UBE3C: variants seen among roughly 807,000 people sequenced by gnomAD.
UBE3C encodes the protein ubiquitin protein ligase E3C, also known as ubiquitin-protein ligase E3C.
In UBE3C, 42 loss-of-function variants were observed where a neutral mutation model predicts 129.4. The ratio of observed to expected loss-of-function variants is 0.32; its 90% CI spans 0.25 to 0.42. The LOEUF (loss-of-function observed/expected upper bound fraction) is 0.42. Ranked by LOEUF, UBE3C falls within the 10% of genes least tolerant of loss-of-function variation. UBE3C has a pLI of 1.00. For missense variants in UBE3C, 1,049 were observed against 1,319.1 expected (o/e 0.80, Z 3.17); for synonymous variants, 510 against 492.4 (o/e 1.04, Z -0.47).
chr7:157,231,104 G>GT lies in UBE3C; in HGVS notation c.2259dup (p.Val754CysfsTer11). The GT allele has an allele frequency of 6.2e-7, 1 of 1,613,968 alleles. No homozygotes were observed. Among genetic ancestry groups the GT allele is most frequent in the African/African-American group, 1.3e-5 (1 of 74,962 alleles). On this transcript the variant is annotated frameshift_variant, in exon 18 of 23. Transcript: ENST00000348165. LOFTEE classifies it high-confidence loss of function. ...GAGCCTGATTTGAAAAAGCGGATCC[G>GT]TGTGCACTTGCTCAATGCCCATGGC...
rs574777617 is a variant in UBE3C at position 157,261,710 on chromosome 7, G to A, written c.3081+4666G>A. The stretch of plus-strand genomic sequence containing the variant: ...AATTTTAAAGTTATGAAACTCCTTA[G>A]TGCCAGATTATTGGAGAAGAATAAC... On this transcript the variant is annotated intron_variant, in intron 22 of 22. Coordinates refer to ENST00000348165, the MANE Select transcript of UBE3C (RefSeq NM_014671.3). Among the ~76,000 whole-genome samples, 211 of 152,294 alleles carry A rather than the reference G, an allele frequency of 1.4e-3. 1 individual carries two copies. Among genetic ancestry groups the A allele is most frequent in the Non-Finnish European group, 2.1e-3 (141 of 68,036 alleles).
intron 2 of UBE3C, among the ~76,000 whole-genome samples, chr7:157,165,360 C>T (rs115023266): frequency 0.01 from 1,508 of 150,504 alleles, 23 homozygotes; most frequent in African/African-American, 0.034. Context: ...TTCACCTGAC[C>T]TAATTTCTGA....
intron 17 of UBE3C, among the ~76,000 whole-genome samples, chr7:157,225,836 T>G (rs953250900): frequency 5.3e-5 from 8 of 152,122 alleles, no homozygotes; most frequent in Non-Finnish European, 1.5e-5. Flanking sequence ...CTGTTGTCCC[T>G]GCTCTGCAAA....
At position 157,254,933 on chromosome 7, in the gene UBE3C, C is replaced by T. The variant is rs183365922; in HGVS notation, c.2950+623C>T. Among the ~76,000 whole-genome samples, 588 of 86,614 alleles carry T rather than the reference C, an allele frequency of 6.8e-3. 5 individuals are homozygous for T. Among genetic ancestry groups the T allele is most frequent in the Middle Eastern group, 0.019 (3 of 162 alleles). The allele number at this position is 86,614 out of a possible 152,430, so 56.8% of individuals were successfully genotyped here. On this transcript the variant is annotated intron_variant, in intron 21 of 22. Coordinates refer to ENST00000348165, the MANE Select transcript of UBE3C (RefSeq NM_014671.3). Reference sequence around the variant, plus strand: ...TGCAGTCCCAGCGTGGTGGCGTACACCTGCAGTCCCGGCGTGGTGGCGTAC... The same window carrying T: ...TGCAGTCCCAGCGTGGTGGCGTACATCTGCAGTCCCGGCGTGGTGGCGTAC...
At chr7:157,217,910 C>G (rs1008322386) in intron 14 of UBE3C, among the ~76,000 whole-genome samples, 1 of 152,096 alleles carries the variant, frequency 6.6e-6, no homozygotes, top group Non-Finnish European at 1.5e-5. Flanking sequence ...GTAGTCCCAG[C>G]TACTCAGGAG....
chr7:157,265,435 C>G (rs901253552), intron 22 of UBE3C, among the ~76,000 whole-genome samples: 3 of 152,196 alleles, frequency 2.0e-5, no homozygotes, highest in African/African-American at 7.2e-5. Flanking sequence ...AGGACCGACA[C>G]GCCCATAGGT....
At chr7:157,202,070 A>C (rs1026833123) in intron 11 of UBE3C, among the ~76,000 whole-genome samples, 3 of 152,220 alleles carry the variant, frequency 2.0e-5, no homozygotes, top group African/African-American at 7.2e-5. Context: ...TTTTTAAAAA[A>C]GCAGACATTT....
intron 13 of UBE3C, among the ~76,000 whole-genome samples, chr7:157,209,066 A>C (rs966166355): frequency 2.6e-5 from 4 of 152,220 alleles, no homozygotes; most frequent in African/African-American, 9.6e-5. Flanking sequence ...ATGATCAACT[A>C]AGCTTGTATT....
At chr7:157,197,511 T>G (rs1586681138) in intron 10 of UBE3C, 7 of 323,634 alleles carry the variant, frequency 2.2e-5, no homozygotes, top group African/African-American at 1.7e-4. Context: ...AATAATTTGT[T>G]TTTTTTTTTT....
intron 22 of UBE3C, among the ~76,000 whole-genome samples, chr7:157,265,778 A>C (rs1423406693): frequency 6.6e-6 from 1 of 152,226 alleles, no homozygotes; most frequent in Non-Finnish European, 1.5e-5. Flanking sequence ...AAGACGCTGA[A>C]GCGTTGGTTG....
intron 22 of UBE3C, among the ~76,000 whole-genome samples, chr7:157,257,742 CAAAAAAAAA>C (rs11436417): frequency 7.7e-4 from 74 of 95,506 alleles, no homozygotes; most frequent in African/African-American, 2.5e-3. Flanking sequence ...ACCCTGTCTC[CAAAAAAAAA>C]AAAAAAAAAA....
At chr7:157,250,181 C>T (rs1431645919) in intron 19 of UBE3C, among the ~76,000 whole-genome samples, 2 of 152,096 alleles carry the variant, frequency 1.3e-5, no homozygotes, top group African/African-American at 4.8e-5. Context: ...AGCTCATACA[C>T]TGTTCTGTCT....
intron 4 of UBE3C, among the ~76,000 whole-genome samples, chr7:157,173,389 C>T (rs768558474): frequency 6.6e-6 from 1 of 152,116 alleles, no homozygotes; most frequent in Non-Finnish European, 1.5e-5. Context: ...AGCATAGATG[C>T]GATAGCAATA....
intron 10 of UBE3C, among the ~76,000 whole-genome samples, chr7:157,196,260 C>T (rs1256514145): frequency 6.6e-6 from 1 of 152,198 alleles, no homozygotes; most frequent in Non-Finnish European, 1.5e-5. Flanking sequence ...ACCGCGAAAC[C>T]CGTTTGGACT....
Position 157,216,959 on chromosome 7 carries a change from T to A in UBE3C, c.1902T>A (p.Ile634=). ...PNHWLSEQED[I]KADKVTQLYV... is the part of the protein sequence containing the mutation. ...ACTGGCTGTCAGAACAAGAAGATAT[T>A]AAAGCAGATAAGGTGTTATTGAAAG... Residue 634 remains isoleucine (I), a synonymous_variant, in exon 14 of 23, where the codon ATT becomes ATA. Transcript: ENST00000348165. 1 of 1,612,902 alleles carries A rather than the reference T, an allele frequency of 6.2e-7. No homozygotes were observed. The highest frequency in any genetic ancestry group is 8.5e-7 in the Non-Finnish European group (1 of 1,178,982).
chr7:157,145,083 A>G (rs749264110), intron 1 of UBE3C, among the ~76,000 whole-genome samples: 2 of 152,162 alleles, frequency 1.3e-5, no homozygotes, highest in Non-Finnish European at 2.9e-5. Context: ...CAGCCTGGCC[A>G]ACGTGGTGAA....
intron 1 of UBE3C, among the ~76,000 whole-genome samples, chr7:157,141,465 A>C (rs530510385): frequency 6.6e-6 from 1 of 152,302 alleles, no homozygotes; most frequent in East Asian, 1.9e-4. Context: ...AGTGTTGCCC[A>C]CTGCACACCT....
chr7:157,166,811 G>T (rs1051314540), intron 2 of UBE3C, among the ~76,000 whole-genome samples: 1 of 151,806 alleles, frequency 6.6e-6, no homozygotes, highest in Non-Finnish European at 1.5e-5. Flanking sequence ...TATTGTTGGA[G>T]AATTATTGTA....
At chr7:157,239,086 A>T (rs1418910901) in intron 18 of UBE3C, among the ~76,000 whole-genome samples, 1 of 152,236 alleles carries the variant, frequency 6.6e-6, no homozygotes, top group African/African-American at 2.4e-5. Context: ...AAAGCATCAT[A>T]TTAAAGCTGA....
Sources: gnomAD v4.1 joint callset for allele counts (sites outside exome capture counted in the v4.1 genomes callset) on GRCh38, gnomAD v4.1.1 for gene constraint, MANE v1.5 for transcripts, NCBI Gene and HGNC (gene_info 2026-07-23, HGNC 2026-07-21) for gene names.